GCSH: variants seen among roughly 807,000 people sequenced by gnomAD.
GCSH encodes the protein glycine cleavage system protein H, also known as glycine cleavage system H protein, mitochondrial.
GCSH carries 15 observed loss-of-function variants against 21.3 expected under a neutral mutation model. The ratio of observed to expected loss-of-function variants is 0.70; its 90% CI spans 0.47 to 1.08. The LOEUF (loss-of-function observed/expected upper bound fraction) is 1.08, where lower values mean the gene tolerates loss of function less well. Among genes scored for constraint, GCSH ranks in the 50% least tolerant of loss-of-function variants. GCSH has a pLI of 0.00. For missense variants in GCSH, 179 were observed against 217.5 expected, an observed-to-expected ratio of 0.82 and a Z score of 1.11; for synonymous variants, 59 against 84.5, an observed-to-expected ratio of 0.70 and a Z score of 1.66.
chr16:81,096,094 G>C (rs1372331948), intron 1 of GCSH, 37 bp downstream of exon 1: 1 of 1,238,586 alleles, frequency 8.1e-7, no homozygotes, highest in Non-Finnish European at 1.0e-6. Context: ...AGCCCAGGCG[G>C]GGAGGGAGCA....
chr16:81,093,745 G>A (rs1332749482), intron 1 of GCSH, among the ~76,000 whole-genome samples: 1 of 152,020 alleles, frequency 6.6e-6, no homozygotes, highest in Non-Finnish European at 1.5e-5. Flanking sequence ...GGAGGCTGAG[G>A]CAGGAGAATC....
In GCSH at chr16:81,082,085, C is replaced by A. The variant is rs567555725; in HGVS notation, c.*781G>T. The A allele has an allele frequency of 2.4e-5, 11 of 454,096 alleles. No individual in the cohort carries two copies. Among genetic ancestry groups the A allele is most frequent in the African/African-American group, 2.0e-4 (10 of 50,122 alleles). 28.1% of individuals were successfully genotyped at this position (454,096 alleles called of 1,614,324 possible). ...CCTTCCTCTGTCTTTCCTCTTCTTT[C>A]TTCAGACCTCGCATGATAGAAAATC... On this transcript the variant is annotated 3_prime_UTR_variant, in exon 5 of 5. Coordinates refer to ENST00000315467, the MANE Select transcript of GCSH (RefSeq NM_004483.5).
At chr16:81,096,079 C>A (rs138217530) in intron 1 of GCSH, 52 bp downstream of exon 1, 2 of 1,225,310 alleles carry the variant, frequency 1.6e-6, no homozygotes, top group South Asian at 3.9e-5. Context: ...GGGCCCGGGA[C>A]AAGCAGCCCA....
At chr16:81,087,383 G>A (rs1264209278) in intron 3 of GCSH, among the ~76,000 whole-genome samples, 1 of 151,914 alleles carries the variant, frequency 6.6e-6, no homozygotes, top group African/African-American at 2.4e-5. Context: ...TTAGCTGGGC[G>A]TGGTGGCACG....
chr16:81,087,193 T>C (rs1348828333), intron 3 of GCSH, among the ~76,000 whole-genome samples: 4 of 151,984 alleles, frequency 2.6e-5, no homozygotes, highest in Non-Finnish European at 5.9e-5. Flanking sequence ...AGCCTCTGAG[T>C]AGCAATTACT....
At chr16:81,090,901 T>C (rs755720850) in intron 1 of GCSH, 3 of 608,160 alleles carry the variant, frequency 4.9e-6, no homozygotes, top group Non-Finnish European at 5.9e-6. Flanking sequence ...TCTGAACACC[T>C]TGTGCATCTT....
intron 1 of GCSH, among the ~76,000 whole-genome samples, chr16:81,094,294 T>G (rs962138058): frequency 6.6e-6 from 1 of 152,238 alleles, no homozygotes; most frequent in Non-Finnish European, 1.5e-5. Context: ...GCATTTTCCT[T>G]TTTCAATGTC....
At position 81,096,293 on chromosome 16, in the gene GCSH, G is replaced by A. The variant is rs910012408; in HGVS notation, c.-15C>T. On this transcript the variant is annotated 5_prime_UTR_variant, in exon 1 of 5. Transcript: ENST00000315467. The stretch of plus-strand genomic sequence containing the variant: ...CGCAGCGCCATGTTCGCAGGGGTGC[G>A]GGGGTCGCAGCGCTACGCCTCGGCC... 1.4e-5 allele frequency: 19 copies of A among 1,362,876 alleles called. No homozygotes were observed. Among genetic ancestry groups the A allele is most frequent in the African/African-American group, 3.1e-5 (2 of 65,490 alleles). 84.4% of individuals were successfully genotyped at this position (1,362,876 alleles called of 1,614,324 possible). A position where few individuals can be genotyped will look rare whatever the true frequency, so the allele number is the denominator to read the frequency against.
intron 2 of GCSH, among the ~76,000 whole-genome samples, chr16:81,088,913 C>T (rs927401743): frequency 4.6e-5 from 7 of 152,164 alleles, no homozygotes; most frequent in Non-Finnish European, 1.0e-4. Context: ...CGTTCCGATG[C>T]CATCATGTAA....
At chr16:81,090,127 G>T (rs1972368273) in intron 2 of GCSH, among the ~76,000 whole-genome samples, 1 of 149,098 alleles carries the variant, frequency 6.7e-6, no homozygotes, top group African/African-American at 2.5e-5. Flanking sequence ...GTCTCACTCT[G>T]TCACCCAGGC....
chr16:81,093,201 A>G (rs1355001448), intron 1 of GCSH, among the ~76,000 whole-genome samples: 1 of 152,104 alleles, frequency 6.6e-6, no homozygotes, highest in Non-Finnish European at 1.5e-5. Flanking sequence ...AATAGATAGT[A>G]TATAGTTATT....
intron 1 of GCSH, among the ~76,000 whole-genome samples, chr16:81,095,392 T>C (rs1972483157): frequency 5.0e-4 from 2 of 3,996 alleles, no homozygotes; most frequent in South Asian, 0.1. Flanking sequence ...TTTTTTTTTT[T>C]TTTTTTTTGA....
chr16:81,096,005 G>C, intron 1 of GCSH, 126 bp downstream of exon 1: 2 of 767,194 alleles, frequency 2.6e-6, no homozygotes, highest in Non-Finnish European at 3.5e-6. Context: ...GAAGGGGGCA[G>C]GGTCCGCGCT....
chr16:81,085,170 A>G (rs556739871), intron 3 of GCSH, among the ~76,000 whole-genome samples: 1 of 151,424 alleles, frequency 6.6e-6, no homozygotes, highest in Non-Finnish European at 1.5e-5. Flanking sequence ...GCGCACCACC[A>G]CGCCCAGCTA....
At position 81,095,584 on chromosome 16, in the gene GCSH, G is replaced by T. The variant is rs540258511; in HGVS notation, c.148+547C>A. On this transcript the variant is annotated intron_variant, in intron 1 of 4. Transcript: ENST00000315467. ...CTTTTAGTAGAGATGGGATTTCACC[G>T]TGTTAGCCAGGATAGTCTCGATCTC... Among the ~76,000 whole-genome samples, 11 of 69,250 alleles carry T rather than the reference G, an allele frequency of 1.6e-4. No homozygotes were observed. The South Asian group carries it at 5.4e-3, about 34-fold the overall frequency. 45.4% of individuals were successfully genotyped at this position (69,250 alleles called of 152,430 possible).
At chr16:81,083,696 G>C (rs1972215071) in intron 4 of GCSH, 2 of 152,542 alleles carry the variant, frequency 1.3e-5, no homozygotes. Context: ...CCATTTATCA[G>C]CCATGAGACC....
At chr16:81,084,018 G>T in intron 4 of GCSH, 1 of 184,360 alleles carries the variant, frequency 5.4e-6, no homozygotes, top group Admixed American at 5.6e-5. Context: ...TGTCACTCAG[G>T]CTGGAGTGGA....
chr16:81,087,891 A>C (rs1471839161), intron 2 of GCSH, among the ~76,000 whole-genome samples: 1 of 152,150 alleles, frequency 6.6e-6, no homozygotes, highest in African/African-American at 2.4e-5. Flanking sequence ...TGAAAGGCCC[A>C]AAGTGGGTGT....
chr16:81,095,377 A>ATTTTTTTTTTTTT (rs78295348), intron 1 of GCSH, among the ~76,000 whole-genome samples: 1 of 146,332 alleles, frequency 6.8e-6, no homozygotes, highest in African/African-American at 2.6e-5. Context: ...TGGCGCTTTA[A>ATTTTTTTTTTTTT]TTTTTTTTTT....
Sources: allele counts gnomAD v4.1 joint callset (sites outside exome capture counted in the v4.1 genomes callset), GRCh38; gene constraint gnomAD v4.1.1; transcripts MANE v1.5; gene names NCBI Gene and HGNC (gene_info 2026-07-23, HGNC 2026-07-21).